SVOPL: variants seen among roughly 807,000 people sequenced by gnomAD.
The protein encoded by SVOPL is putative transporter SVOPL.
In SVOPL, 60 loss-of-function variants were observed where a neutral mutation model predicts 61.0. That is an observed-to-expected ratio of 0.98 (90% CI 0.80 to 1.22). The LOEUF (loss-of-function observed/expected upper bound fraction) is 1.22. Ranked by LOEUF, SVOPL falls within the 50% of genes most tolerant of loss-of-function variation. The probability of loss-of-function intolerance (pLI) is 0.00; values close to 1 mark genes in which losing one functional copy is unlikely to be tolerated. For synonymous variants in SVOPL, 279 were observed against 250.0 expected, an observed-to-expected ratio of 1.12 and a Z score of -1.09; for missense variants, 662 against 643.9, an observed-to-expected ratio of 1.03 and a Z score of -0.30.
At chr7:138,668,993 C>T (rs1802347460) in intron 4 of SVOPL, among the ~76,000 whole-genome samples, 1 of 152,106 alleles carries the variant, frequency 6.6e-6, no homozygotes, top group Admixed American at 6.6e-5. Context: ...TCGTTGGGGC[C>T]CAGAAAGCGA....
Position 138,644,800 on chromosome 7 carries a change from G to A in SVOPL, c.706C>T (p.Arg236Trp), listed in dbSNP as rs377061261. 4.5e-5 allele frequency: 73 copies of A among 1,614,050 alleles called. No individual in the cohort carries two copies. The highest frequency in any genetic ancestry group is 9.9e-5 in the South Asian group (9 of 91,086). The change falls in exon 9 of 16, where the codon CGG becomes TGG. Residue 236 changes from arginine to tryptophan, a missense_variant. Arg to Trp is a moderately radical substitution (Grantham distance 101). Coordinates refer to ENST00000674285, the MANE Select transcript of SVOPL (RefSeq NM_001139456.2). ...ARFNVSTGNT[R>W]AALATLERVA... ...CGCTCCAGAGTGGCCAGGGCAGCCCGAGTGTTCCCAGTGGAGACATTGAAC... is the reference window on the plus strand; with the variant it reads ...CGCTCCAGAGTGGCCAGGGCAGCCCAAGTGTTCCCAGTGGAGACATTGAAC...
At chr7:138,688,291 C>T (rs1468397733) in intron 1 of SVOPL, among the ~76,000 whole-genome samples, 1 of 150,126 alleles carries the variant, frequency 6.7e-6, no homozygotes, top group African/African-American at 2.5e-5. Flanking sequence ...TTTTTTGAGA[C>T]AGAGTTTCAC....
chr7:138,628,465 A>C, intron 10 of SVOPL, 102 bp from the exon 11 acceptor site: 1 of 1,226,404 alleles, frequency 8.2e-7, no homozygotes, highest in Non-Finnish European at 1.1e-6. Context: ...TGGAAAGCAA[A>C]GAGAGCAGAA....
chr7:138,600,468 A>G (rs1798467475), intron 14 of SVOPL, among the ~76,000 whole-genome samples: 1 of 152,010 alleles, frequency 6.6e-6, no homozygotes, highest in Non-Finnish European at 1.5e-5. Context: ...CAGACACAGC[A>G]GCACACGCCT....
intron 4 of SVOPL, among the ~76,000 whole-genome samples, chr7:138,669,839 A>G (rs906645178): frequency 2.0e-5 from 3 of 152,232 alleles, no homozygotes; most frequent in South Asian, 2.1e-4. Context: ...TTTCCCCATG[A>G]ATCTACCTTC....
chr7:138,652,129 G>C (rs1801470336), intron 7 of SVOPL, among the ~76,000 whole-genome samples: 1 of 151,842 alleles, frequency 6.6e-6, no homozygotes, highest in African/African-American at 2.4e-5. Flanking sequence ...TTGGCTCACT[G>C]CAACTTCTGC....
At chr7:138,611,878 AC>A (rs1799032538) in intron 14 of SVOPL, among the ~76,000 whole-genome samples, 3 of 75,866 alleles carry the variant, frequency 4.0e-5, no homozygotes, top group Non-Finnish European at 5.3e-5. Flanking sequence ...CCCGGCCGCC[AC>A]CCCGTCTGGG....
At chr7:138,676,949 G>A (rs1179063368) in intron 3 of SVOPL, among the ~76,000 whole-genome samples, 11 of 123,558 alleles carry the variant, frequency 8.9e-5, no homozygotes, top group African/African-American at 3.6e-4. Flanking sequence ...TGTCATCAGG[G>A]CTGGAGTGCA....
intron 14 of SVOPL, among the ~76,000 whole-genome samples, chr7:138,618,399 A>G (rs1799395340): frequency 6.6e-6 from 1 of 152,026 alleles, no homozygotes; most frequent in African/African-American, 2.4e-5. Context: ...GGTGGCTCAC[A>G]CCTGTAATCC....
intron 14 of SVOPL, among the ~76,000 whole-genome samples, chr7:138,600,517 G>A (rs1454466533): frequency 2.0e-5 from 3 of 151,566 alleles, no homozygotes; most frequent in African/African-American, 7.3e-5. Context: ...TGGAAGGATC[G>A]CTGGAGCCCA....
chr7:138,690,249 C>A (rs1269843839), intron 1 of SVOPL, among the ~76,000 whole-genome samples: 2 of 152,194 alleles, frequency 1.3e-5, no homozygotes, highest in Non-Finnish European at 2.9e-5. Context: ...AACACTCATA[C>A]ATGAATGGTC....
chr7:138,606,435 T>C (rs1798760368), intron 14 of SVOPL, among the ~76,000 whole-genome samples: 1 of 152,106 alleles, frequency 6.6e-6, no homozygotes, highest in South Asian at 2.1e-4. Flanking sequence ...TCTGCGTAGT[T>C]ACTTGTGTAA....
intron 1 of SVOPL, among the ~76,000 whole-genome samples, chr7:138,691,391 G>C (rs1802936719): frequency 6.6e-6 from 1 of 152,090 alleles, no homozygotes; most frequent in Non-Finnish European, 1.5e-5. Context: ...CCATCTAAAC[G>C]TATTTTACAA....
At chr7:138,658,575 C>T (rs1801857972) in intron 6 of SVOPL, among the ~76,000 whole-genome samples, 2 of 152,146 alleles carry the variant, frequency 1.3e-5, no homozygotes, top group Admixed American at 6.5e-5. Context: ...CCACCACGCC[C>T]AGCCTGGGTT....
chr7:138,608,902 A>G (rs1237466488), intron 14 of SVOPL, among the ~76,000 whole-genome samples: 4 of 152,216 alleles, frequency 2.6e-5, no homozygotes, highest in Non-Finnish European at 5.9e-5. Context: ...CCAAATACGG[A>G]ATATTTGTAA....
At chr7:138,602,450 T>TATAC (rs1002095070) in intron 14 of SVOPL, among the ~76,000 whole-genome samples, 9 of 16,708 alleles carry the variant, frequency 5.4e-4, no homozygotes, top group African/African-American at 4.1e-3. Flanking sequence ...GCTATATATA[T>TATAC]ATATATATAT....
Position 138,663,116 on chromosome 7 carries a change from A to T in SVOPL, c.303T>A (p.Ser101Arg), listed in dbSNP as rs752608992. Residue 101 changes from serine (S) to arginine (R), a missense_variant, in exon 5 of 16, where the codon AGT (serine) becomes AGA (arginine). Transcript: ENST00000674285. ...TGTCAGCCAGGAGGCCAAAGAGGAT[A>T]CTGAAAACCATGTAGCCAAAAAACA... ...TMVFFGYMVFSILFGLLADRY... is the reference protein window; with the variant it reads ...TMVFFGYMVFRILFGLLADRY... 23 of 1,614,170 alleles carry T rather than the reference A, an allele frequency of 1.4e-5. No homozygotes were observed. Among genetic ancestry groups the T allele is most frequent in the Admixed American group, 1.7e-5 (1 of 60,008 alleles).
At chr7:138,629,123 ATATATG>A (rs1397615624) in intron 10 of SVOPL, among the ~76,000 whole-genome samples, 14 of 78,380 alleles carry the variant, frequency 1.8e-4, no homozygotes, top group Admixed American at 1.4e-3. Context: ...AGCATGTTTT[ATATATG>A]TGTGTGTGTG....
At chr7:138,700,335 C>CTTTTTTTTTTT (rs776461183) in intron 1 of SVOPL, among the ~76,000 whole-genome samples, 6 of 99,762 alleles carry the variant, frequency 6.0e-5, no homozygotes, top group Non-Finnish European at 9.4e-5. Flanking sequence ...TTCCGTATGT[C>CTTTTTTTTTTT]TTTTTTTTTT....
Sources: gnomAD v4.1 joint callset for allele counts (sites outside exome capture counted in the v4.1 genomes callset) on GRCh38, gnomAD v4.1.1 for gene constraint, MANE v1.5 for transcripts, NCBI Gene and HGNC (gene_info 2026-07-23, HGNC 2026-07-21) for gene names.